The following LGR5 variants were observed in gnomAD, a reference collection of about 807,000 sequenced individuals.
LGR5 encodes the protein leucine rich repeat containing G protein-coupled receptor 5, also known as leucine-rich repeat-containing G protein-coupled receptor 5.
LGR5 carries 54 observed loss-of-function variants against 76.7 expected under a neutral mutation model. The ratio of observed to expected loss-of-function variants is 0.70; its 90% CI spans 0.57 to 0.88. LGR5 has a LOEUF of 0.88. Ranked by LOEUF, LGR5 falls within the 40% of genes least tolerant of loss-of-function variation. The pLI is 0.00. For missense variants in LGR5, 1,078 were observed against 1,073.3 expected (o/e 1.00, Z -0.06); for synonymous variants, 406 against 421.9 (o/e 0.96, Z 0.46).
chr12:71,479,650 G>C (rs974848033), intron 1 of LGR5, among the ~76,000 whole-genome samples: 1 of 151,950 alleles, frequency 6.6e-6, no homozygotes, highest in Admixed American at 6.6e-5. Flanking sequence ...GGACTTATCT[G>C]GGGGGGTGGG....
chr12:71,551,134 A>G (rs141868238), intron 4 of LGR5, among the ~76,000 whole-genome samples: 1 of 152,386 alleles, frequency 6.6e-6, no homozygotes, highest in East Asian at 1.9e-4. Flanking sequence ...TATGACACCC[A>G]ACTCTTAAAA....
At chr12:71,560,930 C>G (rs1878025935) in intron 7 of LGR5, among the ~76,000 whole-genome samples, 1 of 152,154 alleles carries the variant, frequency 6.6e-6, no homozygotes, top group African/African-American at 2.4e-5. Context: ...AGCTGACTTT[C>G]AGCCATTGGT....
At chr12:71,528,393 TTGGGGC>T (rs1876128387) in intron 3 of LGR5, among the ~76,000 whole-genome samples, 1 of 151,870 alleles carries the variant, frequency 6.6e-6, no homozygotes, top group Non-Finnish European at 1.5e-5. Context: ...GCCTAGGAGG[TTGGGGC>T]TACAGTGAGC....
At chr12:71,509,463 A>AT (rs2137313145) in intron 2 of LGR5, among the ~76,000 whole-genome samples, 1 of 152,274 alleles carries the variant, frequency 6.6e-6, no homozygotes, top group Non-Finnish European at 1.5e-5. Context: ...GTTCTTTACT[A>AT]TTTTAATAAC....
chr12:71,559,508 C>A, intron 6 of LGR5, 78 bp from the exon 7 acceptor site: 1 of 784,130 alleles, frequency 1.3e-6, no homozygotes, highest in South Asian at 1.5e-5. Flanking sequence ...CTTGGAATAG[C>A]ATGTTAACTT....
chr12:71,571,370 T>C (rs1878602471), intron 11 of LGR5, 144 bp from the exon 12 acceptor site: 4 of 541,420 alleles, frequency 7.4e-6, no homozygotes, highest in South Asian at 6.0e-5. Context: ...TGGCTGTGAC[T>C]ACCTGCTCCA....
At chr12:71,527,916 C>A (rs1472692867) in intron 3 of LGR5, among the ~76,000 whole-genome samples, 1 of 152,174 alleles carries the variant, frequency 6.6e-6, no homozygotes, top group Non-Finnish European at 1.5e-5. Flanking sequence ...TGCTGCACAG[C>A]CCAGCATAAA....
intron 1 of LGR5, among the ~76,000 whole-genome samples, chr12:71,495,405 C>T (rs1054794902): frequency 6.6e-6 from 1 of 151,250 alleles, no homozygotes; most frequent in African/African-American, 2.5e-5. Flanking sequence ...TCAACATAAA[C>T]ATTTACCAGA....
intron 14 of LGR5, 100 bp from the exon 15 acceptor site, chr12:71,578,704 T>C: frequency 8.1e-7 from 1 of 1,238,622 alleles, no homozygotes; most frequent in Non-Finnish European, 1.1e-6. Flanking sequence ...TTAGAAGTTT[T>C]TATTGAGTAG....
intron 1 of LGR5, among the ~76,000 whole-genome samples, chr12:71,474,002 A>G (rs994053923): frequency 6.6e-6 from 1 of 152,172 alleles, no homozygotes; most frequent in African/African-American, 2.4e-5. Context: ...TACAAATCTC[A>G]TGCACTAAAA....
chr12:71,535,183 C>A lies in LGR5; in HGVS notation c.425C>A (p.Ser142Tyr). The change falls in exon 4 of 18, where the codon TCC (serine) becomes TAC (tyrosine). Residue 142 changes from serine to tyrosine, a missense_variant. By Grantham distance (144) the Ser-to-Tyr change is moderately radical (BLOSUM62 -2). Transcript: ENST00000266674. ...EALQNLRSLQ[S>Y]LRLDANHISY... ...CTGCAGAATTTGCGAAGCCTTCAATCCCTGTAAGTATAGTAGACATTGCAA... is the reference window on the plus strand; with the variant it reads ...CTGCAGAATTTGCGAAGCCTTCAATACCTGTAAGTATAGTAGACATTGCAA... 1 of 1,596,256 alleles carries A rather than the reference C, an allele frequency of 6.3e-7. No individual in the cohort carries two copies. Among genetic ancestry groups the A allele is most frequent in the Non-Finnish European group, 8.6e-7 (1 of 1,164,264 alleles).
chr12:71,508,698 G>A (rs1195824051), intron 2 of LGR5, among the ~76,000 whole-genome samples: 1 of 138,834 alleles, frequency 7.2e-6, no homozygotes, highest in African/African-American at 2.7e-5. Flanking sequence ...AGATTGCAGC[G>A]AGCCAAGATG....
chr12:71,583,410 A>C (rs972425713), intron 17 of LGR5: 1 of 502,544 alleles, frequency 2.0e-6, no homozygotes, highest in Admixed American at 3.6e-5. Context: ...CTCCATTCTC[A>C]TTTCTCCATC....
chr12:71,535,839 CTT>C (rs1232027185), intron 4 of LGR5, among the ~76,000 whole-genome samples: 3 of 152,142 alleles, frequency 2.0e-5, no homozygotes, highest in Non-Finnish European at 4.4e-5. Context: ...GAATCCACAA[CTT>C]TTCCATCAGG....
At chr12:71,498,352 T>C (rs1430666852) in intron 1 of LGR5, among the ~76,000 whole-genome samples, 1 of 152,146 alleles carries the variant, frequency 6.6e-6, no homozygotes, top group Non-Finnish European at 1.5e-5. Context: ...ATAAACTGGG[T>C]GTCTTAAACA....
chr12:71,462,325 C>A (rs187662141), intron 1 of LGR5, among the ~76,000 whole-genome samples: 17 of 152,250 alleles, frequency 1.1e-4, no homozygotes, highest in Admixed American at 8.5e-4. Context: ...CATTTAATAT[C>A]TCCTTATCTA....
Position 71,440,926 on chromosome 12 carries a change from C to G in LGR5, c.212+634C>G, listed in dbSNP as rs1418217716. On this transcript the variant is annotated intron_variant, in intron 1 of 17. Transcript: ENST00000266674. The surrounding 1 kb of genome is among the most constrained non-coding windows in gnomAD (Gnocchi z 5.3). ...GATTAAAATGTGGCAACCACAAACC[C>G]CGATTAGAGCTGCCAGAACGTTATC... Among the ~76,000 whole-genome samples the G allele has an allele frequency of 6.6e-6, 1 of 152,070 alleles. No homozygotes were observed. Among genetic ancestry groups the G allele is most frequent in the African/African-American group, 2.4e-5 (1 of 41,400 alleles).
chr12:71,583,053 G>T (rs1382403563), intron 17 of LGR5, among the ~76,000 whole-genome samples: 1 of 151,508 alleles, frequency 6.6e-6, no homozygotes, highest in East Asian at 2.0e-4. Context: ...GAGATGGGAA[G>T]GGAGGGGAGG....
intron 14 of LGR5, 42 bp from the exon 15 acceptor site, chr12:71,578,762 C>A: frequency 6.4e-7 from 1 of 1,552,190 alleles, no homozygotes; most frequent in Non-Finnish European, 8.7e-7. Context: ...ACGTTTTATG[C>A]TAACATAGAC....
Sources: allele counts gnomAD v4.1 joint callset (sites outside exome capture counted in the v4.1 genomes callset), GRCh38; gene constraint gnomAD v4.1.1; non-coding constraint Gnocchi (gnomAD v3.1); transcripts MANE v1.5; gene names NCBI Gene and HGNC (gene_info 2026-07-23, HGNC 2026-07-21).